The following PRDM5 variants were observed in gnomAD, a reference collection of about 807,000 sequenced individuals.
PRDM5 encodes the protein PR/SET domain 5, also known as PR domain zinc finger protein 5.
PRDM5 carries 56 observed loss-of-function variants against 81.2 expected under a neutral mutation model. That is an observed-to-expected ratio of 0.69 (90% confidence interval 0.56 to 0.86). The LOEUF (loss-of-function observed/expected upper bound fraction) is 0.86, where lower values mean the gene tolerates loss of function less well. Ranked by LOEUF, PRDM5 falls within the 40% of genes least tolerant of loss-of-function variation. PRDM5 has a pLI of 0.00. For missense variants in PRDM5, 697 were observed against 770.1 expected (o/e 0.91, Z 1.12); for synonymous variants, 267 against 256.4 (o/e 1.04, Z -0.39).
At chr4:120,793,347 C>G (rs2149269572) in intron 10 of PRDM5, among the ~76,000 whole-genome samples, 1 of 152,250 alleles carries the variant, frequency 6.6e-6, no homozygotes, top group African/African-American at 2.4e-5. Flanking sequence ...TGTAGGAAAA[C>G]AAGCTGAGGG....
At chr4:120,869,377 T>C (rs2148530697) in intron 2 of PRDM5, among the ~76,000 whole-genome samples, 1 of 152,358 alleles carries the variant, frequency 6.6e-6, no homozygotes, top group South Asian at 2.1e-4. Context: ...GTAGTTACAT[T>C]CATGCAAGTG....
At chr4:120,735,996 C>T (rs1486255943) in intron 14 of PRDM5, among the ~76,000 whole-genome samples, 1 of 151,984 alleles carries the variant, frequency 6.6e-6, no homozygotes, top group East Asian at 1.9e-4. Context: ...ATCCTTACTC[C>T]TCTCACTCCT....
intron 8 of PRDM5, among the ~76,000 whole-genome samples, chr4:120,800,534 T>G (rs951355630): frequency 1.4e-5 from 2 of 139,280 alleles, no homozygotes; most frequent in African/African-American, 2.7e-5. Context: ...AAAAAAAAAG[T>G]CTCACATGAC....
chr4:120,719,415 C>A (rs1255068034), intron 14 of PRDM5, among the ~76,000 whole-genome samples: 1 of 152,194 alleles, frequency 6.6e-6, no homozygotes, highest in Non-Finnish European at 1.5e-5. Flanking sequence ...TGTAAGAGTT[C>A]TAAACACTTC....
intron 2 of PRDM5, among the ~76,000 whole-genome samples, chr4:120,882,516 C>T (rs1029461976): frequency 2.0e-5 from 3 of 152,134 alleles, no homozygotes; most frequent in South Asian, 2.1e-4. Flanking sequence ...CTTAATTCTG[C>T]ATCAGTAGTA....
At chr4:120,805,995 A>G (rs1752860932) in intron 8 of PRDM5, among the ~76,000 whole-genome samples, 1 of 152,226 alleles carries the variant, frequency 6.6e-6, no homozygotes, top group African/African-American at 2.4e-5. Flanking sequence ...AAGCAACTTC[A>G]GCAGTCTCAG....
chr4:120,830,040 G>C (rs542362116), intron 3 of PRDM5, among the ~76,000 whole-genome samples: 1 of 152,084 alleles, frequency 6.6e-6, no homozygotes, highest in East Asian at 1.9e-4. Flanking sequence ...TATGTCTATA[G>C]CACTCAACAT....
chr4:120,851,938 T>C (rs1357485558), intron 3 of PRDM5, among the ~76,000 whole-genome samples: 1 of 152,152 alleles, frequency 6.6e-6, no homozygotes, highest in Non-Finnish European at 1.5e-5. Flanking sequence ...CCCTCTTACT[T>C]TTGCCAACCA....
At chr4:120,704,466 T>A (rs1319530284) in intron 15 of PRDM5, among the ~76,000 whole-genome samples, 5 of 152,206 alleles carry the variant, frequency 3.3e-5, no homozygotes, top group Non-Finnish European at 7.3e-5. Context: ...TAGGAAAATA[T>A]TTATTCTTAC....
rs554866772 is a variant in PRDM5, at chr4:120,853,325, A to T, written c.300+93T>A. ...GAGTTACTGTTATTTGAAGGAGGTC[A>T]TTGGGAAACAAATTTAAAACAGGGA... On this transcript the variant is annotated intron_variant, in intron 3 of 15. Transcript: ENST00000264808. 32 of 1,573,304 alleles carry T rather than the reference A, an allele frequency of 2.0e-5. No individual in the cohort carries two copies. In the South Asian group the frequency reaches 2.4e-4, roughly 12 times the overall value.
intron 2 of PRDM5, among the ~76,000 whole-genome samples, chr4:120,887,240 G>A (rs536685156): frequency 6.6e-6 from 1 of 152,186 alleles, no homozygotes; most frequent in South Asian, 2.1e-4. Flanking sequence ...CACTGCGCCT[G>A]GCTGACTCTT....
At chr4:120,738,113 G>A (rs1278346372) in intron 14 of PRDM5, among the ~76,000 whole-genome samples, 1 of 152,178 alleles carries the variant, frequency 6.6e-6, no homozygotes, top group African/African-American at 2.4e-5. Flanking sequence ...TAGTCAGAGA[G>A]CATTAACAAA....
At chr4:120,685,586 A>G (rs919154726) in intron 1 of PRDM5, among the ~76,000 whole-genome samples, 3 of 152,116 alleles carry the variant, frequency 2.0e-5, no homozygotes, top group African/African-American at 7.2e-5. Context: ...GTTTCTAAGC[A>G]GCATATATAG....
intron 1 of PRDM5, among the ~76,000 whole-genome samples, chr4:120,909,650 AGCAGT>A (rs1766259176): frequency 6.6e-6 from 1 of 151,048 alleles, no homozygotes. Flanking sequence ...CTATCAATTC[AGCAGT>A]GTTCAGAGGA....
At chr4:120,706,477 TGA>T (rs1736164946) in intron 15 of PRDM5, among the ~76,000 whole-genome samples, 1 of 151,970 alleles carries the variant, frequency 6.6e-6, no homozygotes, top group Non-Finnish European at 1.5e-5. Context: ...AGGATCATGT[TGA>T]GAGATTAAGA....
At chr4:120,792,594 T>G (rs1448942117) in intron 10 of PRDM5, among the ~76,000 whole-genome samples, 1 of 152,100 alleles carries the variant, frequency 6.6e-6, no homozygotes, top group African/African-American at 2.4e-5. Flanking sequence ...TGAAATCAGT[T>G]TGTCAAAGAG....
At chr4:120,781,353 T>C in intron 11 of PRDM5, 50 bp from the exon 12 acceptor site, 2 of 1,536,802 alleles carry the variant, frequency 1.3e-6, no homozygotes, top group Non-Finnish European at 1.8e-6. Context: ...GTCCTATTAA[T>C]TTCCTCCCAT....
chr4:120,847,033 T>G, intron 3 of PRDM5, among the ~76,000 whole-genome samples: 1 of 152,126 alleles, frequency 6.6e-6, no homozygotes, highest in East Asian at 1.9e-4. Context: ...GGTTGGGTTC[T>G]GCATTCCTTC....
At chr4:120,895,486 G>C (rs1207578969) in intron 2 of PRDM5, 2 of 152,228 alleles carry the variant, frequency 1.3e-5, no homozygotes, top group African/African-American at 2.4e-5. Context: ...GAATCTATTA[G>C]TATTCCACTA....
Sources: gnomAD v4.1 joint callset for allele counts (sites outside exome capture counted in the v4.1 genomes callset) on GRCh38, gnomAD v4.1.1 for gene constraint, MANE v1.5 for transcripts, NCBI Gene and HGNC (gene_info 2026-07-23, HGNC 2026-07-21) for gene names.